SRRM3: variants seen among roughly 807,000 people sequenced by gnomAD.
SRRM3 encodes serine/arginine repetitive matrix protein 3.
SRRM3 carries 27 observed loss-of-function variants against 66.2 expected under a neutral mutation model. The observed-to-expected ratio is 0.41, with a 90% CI of 0.30 to 0.56. The LOEUF (loss-of-function observed/expected upper bound fraction) is 0.56, where lower values mean the gene tolerates loss of function less well. Ranked by LOEUF, SRRM3 falls within the 20% of genes least tolerant of loss-of-function variation. SRRM3 has a pLI of 0.32. For synonymous variants in SRRM3, 391 were observed against 414.9 expected (o/e 0.94, Z 0.70); for missense variants, 918 against 991.9 (o/e 0.93, Z 1.00).
chr7:76,284,150 A>C lies in SRRM3; in HGVS notation c.1733+1049A>C, dbSNP rs35166028. The stretch of plus-strand genomic sequence containing the variant: ...TCAAAGCCAGACCGCCTTGAAGGAG[A>C]AGCCAGATTGTGCTACTGCTTCTTT... On this transcript the variant is annotated intron_variant, in intron 14 of 14. Transcript: ENST00000611745. Among the ~76,000 whole-genome samples the C allele has an allele frequency of 5.1e-3, 772 of 151,360 alleles. 9 individuals are homozygous for C. Among genetic ancestry groups the C allele is most frequent in the Middle Eastern group, 0.014 (4 of 288 alleles).
At chr7:76,204,063 C>T (rs1238283745) in intron 1 of SRRM3, among the ~76,000 whole-genome samples, 3 of 152,150 alleles carry the variant, frequency 2.0e-5, no homozygotes, top group Non-Finnish European at 2.9e-5. Flanking sequence ...ACCCGTTCTG[C>T]ACCTCCTCTG....
rs1410869395 is a variant in SRRM3, at chr7:76,265,300, G to A, written c.726-64G>A. 3 of 1,304,182 alleles carry A rather than the reference G, an allele frequency of 2.3e-6. No homozygotes were observed. The African/African-American group carries it at 4.5e-5, about 19-fold the overall frequency. 80.8% of individuals were successfully genotyped at this position (1,304,182 alleles called of 1,614,324 possible). The stretch of plus-strand genomic sequence containing the variant: ...ATCCTGGTGGGAGGCTGGGCAACTT[G>A]GGGGCTGGGGGGATCACGGGGGGCA... On this transcript the variant is annotated intron_variant, in intron 9 of 14. Transcript: ENST00000611745.
intron 2 of SRRM3, among the ~76,000 whole-genome samples, chr7:76,242,013 C>A (rs1478879592): frequency 6.6e-6 from 1 of 152,126 alleles, no homozygotes; most frequent in African/African-American, 2.4e-5. Flanking sequence ...CTGGTGAGGC[C>A]TCAGGAAGCT....
chr7:76,284,932 A>G (rs1554612532), intron 14 of SRRM3, among the ~76,000 whole-genome samples: 1 of 152,172 alleles, frequency 6.6e-6, no homozygotes, highest in African/African-American at 2.4e-5. Context: ...CTTTCGAGTG[A>G]CCTGAAAGCA....
intron 2 of SRRM3, among the ~76,000 whole-genome samples, chr7:76,244,146 C>A (rs1554605930): frequency 6.6e-6 from 1 of 152,148 alleles, no homozygotes; most frequent in East Asian, 1.9e-4. Context: ...AGGCCAGGAC[C>A]CAGCCCTCCC....
At chr7:76,210,963 C>T (rs1454308477) in intron 1 of SRRM3, among the ~76,000 whole-genome samples, 13 of 152,112 alleles carry the variant, frequency 8.5e-5, no homozygotes, top group African/African-American at 2.7e-4. Context: ...CCACTACACC[C>T]GGCTAATTTT....
At chr7:76,217,791 C>T (rs1800607403) in intron 1 of SRRM3, among the ~76,000 whole-genome samples, 1 of 152,114 alleles carries the variant, frequency 6.6e-6, no homozygotes, top group Non-Finnish European at 1.5e-5. Context: ...TGTGGTACTC[C>T]TTGCATTTTC....
intron 6 of SRRM3, among the ~76,000 whole-genome samples, 190 bp downstream of exon 6, chr7:76,261,093 A>G (rs1801850592): frequency 6.6e-6 from 1 of 151,390 alleles, no homozygotes; most frequent in Admixed American, 6.6e-5. Context: ...CTGGGTTTGA[A>G]ACTATCTTTG....
At chr7:76,221,458 G>A (rs1554603190) in intron 1 of SRRM3, among the ~76,000 whole-genome samples, 1 of 149,106 alleles carries the variant, frequency 6.7e-6, no homozygotes, top group Non-Finnish European at 1.5e-5. Flanking sequence ...TGCCTCCCAG[G>A]TTCACACCAT....
chr7:76,242,287 C>T (rs1158180057), intron 2 of SRRM3, among the ~76,000 whole-genome samples: 1 of 152,072 alleles, frequency 6.6e-6, no homozygotes, highest in Non-Finnish European at 1.5e-5. Context: ...GAGTTCGAGA[C>T]CAGCCTGACC....
intron 1 of SRRM3, among the ~76,000 whole-genome samples, chr7:76,211,813 CTACTAT>C (rs1364122958): frequency 2.2e-5 from 3 of 137,396 alleles, no homozygotes; most frequent in East Asian, 2.2e-4. Flanking sequence ...ATTACTATTA[CTACTAT>C]TATTATTATT....
At chr7:76,280,119 AAAAAAAAAAAAG>A (rs1160721260) in intron 11 of SRRM3, among the ~76,000 whole-genome samples, 2 of 150,892 alleles carry the variant, frequency 1.3e-5, no homozygotes, top group Admixed American at 6.6e-5. Flanking sequence ...CAGAACTTAA[AAAAAAAAAAAAG>A]AAAAAGAAAA....
At chr7:76,267,123 C>G (rs909089927) in intron 10 of SRRM3, 135 bp from the exon 11 acceptor site, 7 of 832,880 alleles carry the variant, frequency 8.4e-6, no homozygotes, top group African/African-American at 1.8e-5. Context: ...TGGAAAGGTT[C>G]CCAGCATGGT....
chr7:76,256,767 T>C (rs1278639451), intron 3 of SRRM3, among the ~76,000 whole-genome samples: 1 of 149,622 alleles, frequency 6.7e-6, no homozygotes, highest in East Asian at 2.0e-4. Flanking sequence ...TAGAGTGCAA[T>C]GGCATGATCT....
At chr7:76,248,048 C>T in intron 2 of SRRM3, 140 bp from the exon 3 acceptor site, 1 of 658,052 alleles carries the variant, frequency 1.5e-6, no homozygotes, top group Non-Finnish European at 2.8e-6. Context: ...CTGGCTTGAT[C>T]TGTGACCTTG....
At chr7:76,217,828 G>C (rs1340041539) in intron 1 of SRRM3, among the ~76,000 whole-genome samples, 2 of 152,166 alleles carry the variant, frequency 1.3e-5, no homozygotes, top group African/African-American at 4.8e-5. Flanking sequence ...TAAGAGGAAG[G>C]CTGTTTCTTC....
chr7:76,242,654 C>G (rs1412160939), intron 2 of SRRM3, among the ~76,000 whole-genome samples: 2 of 152,018 alleles, frequency 1.3e-5, no homozygotes, highest in Non-Finnish European at 2.9e-5. Context: ...TCCGTGGGAG[C>G]CCTGAGCTTG....
At chr7:76,258,469 C>T (rs1801768170) in intron 3 of SRRM3, among the ~76,000 whole-genome samples, 1 of 151,724 alleles carries the variant, frequency 6.6e-6, no homozygotes, top group Admixed American at 6.6e-5. Context: ...AATCCCAGCA[C>T]GTTGGGAGGC....
intron 1 of SRRM3, among the ~76,000 whole-genome samples, chr7:76,207,988 C>G (rs563722436): frequency 6.6e-6 from 1 of 152,302 alleles, no homozygotes; most frequent in Admixed American, 6.5e-5. Context: ...CTTGCCCCTG[C>G]CCTGTCCCTC....
Sources: gnomAD v4.1 joint callset for allele counts (sites outside exome capture counted in the v4.1 genomes callset) on GRCh38, gnomAD v4.1.1 for gene constraint, MANE v1.5 for transcripts, NCBI Gene and HGNC (gene_info 2026-07-23, HGNC 2026-07-21) for gene names.